Variants in LUZP2 observed in about 807,000 individuals in gnomAD.
The protein encoded by LUZP2 is leucine zipper protein 2.
In LUZP2, 52 loss-of-function variants were observed where a neutral mutation model predicts 51.6. The observed-to-expected ratio is 1.01, with a 90% CI of 0.81 to 1.27. The LOEUF is 1.27. LUZP2 is among the 50% of genes most tolerant of loss of function. LUZP2 has a pLI of 0.00. For missense variants in LUZP2, 436 were observed against 395.4 expected (o/e 1.10, Z -0.87); for synonymous variants, 154 against 137.3 (o/e 1.12, Z -0.85).
At chr11:24,559,965 G>C (rs1037552563) in intron 1 of LUZP2, among the ~76,000 whole-genome samples, 4 of 152,110 alleles carry the variant, frequency 2.6e-5, no homozygotes, top group Non-Finnish European at 5.9e-5. Flanking sequence ...CACACACTGG[G>C]ACCTGTCGGG....
intron 9 of LUZP2, among the ~76,000 whole-genome samples, chr11:25,030,913 T>TA (rs1565254339): frequency 6.0e-5 from 1 of 16,530 alleles, no homozygotes. Flanking sequence ...ATAATATATA[T>TA]TGTATTATAT....
intron 5 of LUZP2, among the ~76,000 whole-genome samples, chr11:24,799,282 C>G (rs1470559259): frequency 2.0e-5 from 3 of 152,054 alleles, no homozygotes; most frequent in Non-Finnish European, 2.9e-5. Flanking sequence ...GAGGAAGAAA[C>G]CAGTACAACT....
intron 5 of LUZP2, among the ~76,000 whole-genome samples, chr11:24,812,804 C>G (rs1244180030): frequency 6.6e-6 from 1 of 152,128 alleles, no homozygotes; most frequent in African/African-American, 2.4e-5. Flanking sequence ...GTGGCAGCCA[C>G]TGTCACAGAA....
At chr11:24,823,010 G>A (rs1850406711) in intron 5 of LUZP2, among the ~76,000 whole-genome samples, 1 of 152,036 alleles carries the variant, frequency 6.6e-6, no homozygotes, top group Non-Finnish European at 1.5e-5. Flanking sequence ...TGTATTTCCA[G>A]TACATATCAG....
chr11:24,924,895 A>G (rs1383856733), intron 7 of LUZP2, among the ~76,000 whole-genome samples: 3 of 152,120 alleles, frequency 2.0e-5, no homozygotes, highest in African/African-American at 4.8e-5. Context: ...TGGATACTAA[A>G]TTTTTTAATA....
chr11:24,712,809 C>A (rs1260191055), intron 1 of LUZP2, among the ~76,000 whole-genome samples: 1 of 152,146 alleles, frequency 6.6e-6, no homozygotes, highest in Non-Finnish European at 1.5e-5. Context: ...CTCTTATTTT[C>A]TTTCCAAATA....
chr11:24,956,601 C>A (rs774787686), intron 7 of LUZP2, among the ~76,000 whole-genome samples: 1 of 152,032 alleles, frequency 6.6e-6, no homozygotes, highest in Non-Finnish European at 1.5e-5. Context: ...TAATGGAGTT[C>A]TGTTCACGGA....
intron 5 of LUZP2, among the ~76,000 whole-genome samples, chr11:24,797,722 TAAC>T (rs1410554046): frequency 6.6e-6 from 1 of 152,302 alleles, no homozygotes; most frequent in African/African-American, 2.4e-5. Context: ...ATTGCTAAGA[TAAC>T]AACAACTTTT....
At chr11:24,799,173 T>A (rs1849626538) in intron 5 of LUZP2, among the ~76,000 whole-genome samples, 1 of 152,198 alleles carries the variant, frequency 6.6e-6, no homozygotes. Context: ...TTATGCATTA[T>A]GTGCTGATGA....
At chr11:24,577,385 T>G (rs1329087288) in intron 1 of LUZP2, among the ~76,000 whole-genome samples, 2 of 152,082 alleles carry the variant, frequency 1.3e-5, no homozygotes, top group Non-Finnish European at 2.9e-5. Context: ...TCAGACCAAT[T>G]TCTAGAAAAA....
At chr11:24,915,657 AGATAGATAGAT>A (rs1023257028) in intron 7 of LUZP2, among the ~76,000 whole-genome samples, 4 of 152,146 alleles carry the variant, frequency 2.6e-5, no homozygotes, top group African/African-American at 9.6e-5. Context: ...ATAGACAGAT[AGATAGATAGAT>A]GATAGATAGA....
intron 9 of LUZP2, among the ~76,000 whole-genome samples, chr11:25,007,538 G>A (rs746420486): frequency 2.0e-5 from 3 of 152,120 alleles, no homozygotes; most frequent in African/African-American, 7.2e-5. Flanking sequence ...GGGAGGTAAA[G>A]GTTGCAGTGG....
intron 10 of LUZP2, among the ~76,000 whole-genome samples, chr11:25,076,650 G>GT: frequency 7.2e-6 from 1 of 139,688 alleles, no homozygotes; most frequent in South Asian, 2.6e-4. Flanking sequence ...AAGAGGGAAG[G>GT]AAGGGAGGGA....
intron 1 of LUZP2, among the ~76,000 whole-genome samples, chr11:24,555,933 G>A (rs1049707492): frequency 2.0e-5 from 3 of 152,114 alleles, no homozygotes; most frequent in African/African-American, 4.8e-5. Flanking sequence ...AGCCATGATC[G>A]TGCCACTGCA....
intron 7 of LUZP2, among the ~76,000 whole-genome samples, chr11:24,927,378 T>A (rs1180230473): frequency 6.6e-6 from 1 of 152,118 alleles, no homozygotes; most frequent in African/African-American, 2.4e-5. Flanking sequence ...CCTCTAGAAT[T>A]TTTATGGCTT....
intron 5 of LUZP2, chr11:24,891,750 C>A (rs1852860783): frequency 1.1e-5 from 10 of 886,462 alleles, no homozygotes; most frequent in Non-Finnish European, 1.1e-5. Flanking sequence ...TTGTTCTTCC[C>A]CAGATAACTT....
intron 9 of LUZP2, among the ~76,000 whole-genome samples, chr11:25,001,136 A>G (rs1433256721): frequency 5.3e-5 from 8 of 152,178 alleles, no homozygotes; most frequent in Admixed American, 5.2e-4. Context: ...ACTTTTGTTG[A>G]AAACCTTGTA....
At chr11:24,915,060 G>T (rs974069944) in intron 7 of LUZP2, among the ~76,000 whole-genome samples, 9 of 151,530 alleles carry the variant, frequency 5.9e-5, no homozygotes, top group Admixed American at 5.3e-4. Flanking sequence ...GAGATATATT[G>T]TATGTAAACC....
At chr11:24,507,242 A>G (rs1276828224) in intron 1 of LUZP2, among the ~76,000 whole-genome samples, 2 of 152,082 alleles carry the variant, frequency 1.3e-5, no homozygotes, top group African/African-American at 4.8e-5. Flanking sequence ...TATGTATATG[A>G]GAGCTTAGAA....
Sources: gnomAD v4.1 joint callset for allele counts (sites outside exome capture counted in the v4.1 genomes callset) on GRCh38, gnomAD v4.1.1 for gene constraint, MANE v1.5 for transcripts, NCBI Gene and HGNC (gene_info 2026-07-23, HGNC 2026-07-21) for gene names.